The following HPGDS variants were observed in gnomAD, a reference collection of about 807,000 sequenced individuals.
HPGDS encodes GST class-sigma.
HPGDS carries 26 observed loss-of-function variants against 23.1 expected under a neutral mutation model. The ratio of observed to expected loss-of-function variants is 1.13; its 90% CI spans 0.83 to 1.56. The LOEUF (loss-of-function observed/expected upper bound fraction) is 1.56, where lower values mean the gene tolerates loss of function less well. Ranked by LOEUF, HPGDS falls within the 40% of genes most tolerant of loss-of-function variation. HPGDS has a pLI of 0.00. For missense variants in HPGDS, 268 were observed against 236.4 expected (o/e 1.13, Z -0.88); for synonymous variants, 95 against 77.9 (o/e 1.22, Z -1.16).
At chr4:94,328,099 G>A (rs749226995) in intron 2 of HPGDS, among the ~76,000 whole-genome samples, 28 of 152,322 alleles carry the variant, frequency 1.8e-4, no homozygotes, top group African/African-American at 2.6e-4. Context: ...AGGAGTCTGC[G>A]GAGTAAATGT....
At position 94,317,982 on chromosome 4, in the gene HPGDS, C is replaced by A. The variant is rs1579437598; in HGVS notation, c.134-17G>T. The stretch of plus-strand genomic sequence containing the variant: ...ATGGGAGAGCTTAAAATGAAATGAG[C>A]AAATAATTAACTTCATAACAAAACC... On this transcript the variant is annotated splice_polypyrimidine_tract_variant and intron_variant, in intron 2 of 5. Coordinates refer to ENST00000295256, the MANE Select transcript of HPGDS (RefSeq NM_014485.3). 3 of 1,449,226 alleles carry A rather than the reference C, an allele frequency of 2.1e-6. No homozygotes were observed. Among genetic ancestry groups the A allele is most frequent in the Non-Finnish European group, 1.9e-6 (2 of 1,033,482 alleles). 89.8% of individuals were successfully genotyped at this position (1,449,226 alleles called of 1,614,324 possible).
intron 3 of HPGDS, among the ~76,000 whole-genome samples, chr4:94,309,503 C>T (rs907457528): frequency 1.9e-4 from 29 of 152,160 alleles, no homozygotes; most frequent in Admixed American, 6.5e-4. Context: ...TGTATATGTG[C>T]CACATTTTCT....
intron 2 of HPGDS, among the ~76,000 whole-genome samples, chr4:94,324,237 C>T (rs1756581213): frequency 6.6e-6 from 1 of 152,096 alleles, no homozygotes. Flanking sequence ...GATTACATGT[C>T]TTGGAGTTGT....
intron 3 of HPGDS, among the ~76,000 whole-genome samples, chr4:94,309,140 C>G (rs1756206088): frequency 7.9e-6 from 1 of 126,166 alleles, no homozygotes; most frequent in Admixed American, 9.4e-5. Flanking sequence ...TTTAATTATA[C>G]TTTAAGTTCT....
At chr4:94,301,526 G>A (rs543856379) in intron 5 of HPGDS, among the ~76,000 whole-genome samples, 1 of 152,194 alleles carries the variant, frequency 6.6e-6, no homozygotes, top group East Asian at 1.9e-4. Context: ...AAATACATAT[G>A]AGTTTATACT....
At chr4:94,310,197 T>C (rs1370043359) in intron 3 of HPGDS, among the ~76,000 whole-genome samples, 2 of 152,242 alleles carry the variant, frequency 1.3e-5, no homozygotes, top group Non-Finnish European at 2.9e-5. Flanking sequence ...AGACATGAAG[T>C]CCCTGCCCAT....
At chr4:94,334,745 G>T in intron 1 of HPGDS, 107 bp from the exon 2 acceptor site, 1 of 944,006 alleles carries the variant, frequency 1.1e-6, no homozygotes, top group Non-Finnish European at 1.5e-6. Context: ...TGAGATTACT[G>T]GAGACATTAG....
In HPGDS at chr4:94,317,938, A is replaced by G; in HGVS notation, c.161T>C (p.Leu54Ser). The stretch of plus-strand genomic sequence containing the variant: ...GTGAAGAGTAAGTCCATCAACTTCC[A>G]AAATGGGGATTTTTCCAAATGGGAG... ...STLPFGKIPI[L>S]EVDGLTLHQS... The change falls in exon 3 of 6, where the codon TTG (leucine) becomes TCG (serine). Residue 54 changes from leucine (L) to serine (S), a missense_variant. Transcript: ENST00000295256. The G allele has an allele frequency of 6.2e-7, 1 of 1,611,492 alleles. No homozygotes were observed. Among genetic ancestry groups the G allele is most frequent in the Non-Finnish European group, 8.5e-7 (1 of 1,178,614 alleles).
intron 3 of HPGDS, among the ~76,000 whole-genome samples, chr4:94,310,125 T>C (rs944258518): frequency 1.3e-4 from 20 of 152,338 alleles, no homozygotes; most frequent in African/African-American, 4.8e-4. Flanking sequence ...GCAGAAGCTC[T>C]TTAGTTTAAT....
intron 2 of HPGDS, 142 bp downstream of exon 2, chr4:94,334,355 G>T: frequency 1.5e-6 from 1 of 647,076 alleles, no homozygotes; most frequent in Non-Finnish European, 2.4e-6. Flanking sequence ...TGATCACACA[G>T]CATTTATTTA....
chr4:94,335,805 TTAAA>T (rs1327083262), intron 1 of HPGDS, among the ~76,000 whole-genome samples: 1 of 152,214 alleles, frequency 6.6e-6, no homozygotes, highest in Non-Finnish European at 1.5e-5. Flanking sequence ...AGTGGTGAGT[TTAAA>T]TAGTTTATTC....
At chr4:94,313,966 C>T (rs1384644826) in intron 3 of HPGDS, among the ~76,000 whole-genome samples, 33 of 152,282 alleles carry the variant, frequency 2.2e-4, no homozygotes, top group African/African-American at 3.6e-4. Context: ...ATGTAGTTCT[C>T]GTGCCATGGT....
chr4:94,330,749 T>C lies in HPGDS; in HGVS notation c.133+3748A>G, dbSNP rs543166489. Among the ~76,000 whole-genome samples the C allele has an allele frequency of 3.4e-5, 5 of 147,504 alleles. No individual in the cohort carries two copies. In the South Asian group the frequency reaches 8.3e-4, roughly 24 times the overall value. On this transcript the variant is annotated intron_variant, in intron 2 of 5. Coordinates refer to ENST00000295256, the MANE Select transcript of HPGDS (RefSeq NM_014485.3). Reference sequence around the variant, plus strand: ...TGTACTTTTGGGAAAAATATCCTTATTTTTGTCATTTTATTGATGTGTTTG... The same window carrying C: ...TGTACTTTTGGGAAAAATATCCTTACTTTTGTCATTTTATTGATGTGTTTG...
In HPGDS at chr4:94,308,750, A is replaced by G; in HGVS notation, c.227-7T>C. 6.9e-7 allele frequency: 1 copy of G among 1,458,384 alleles called. No individual in the cohort carries two copies. The highest frequency in any genetic ancestry group is 1.4e-5 in the African/African-American group (1 of 71,790). The allele number at this position is 1,458,384 out of a possible 1,614,324, so 90.3% of individuals were successfully genotyped here. ...TCTGTGTTTCCAGCCAAATCTGTGG[A>G]ATAGAGAGAGGCCCATCAATATGTT... On this transcript the variant is annotated splice_polypyrimidine_tract_variant and splice_region_variant and intron_variant, in intron 3 of 5. Coordinates refer to ENST00000295256, the MANE Select transcript of HPGDS (RefSeq NM_014485.3).
At chr4:94,338,459 A>G (rs545505465) in intron 1 of HPGDS, among the ~76,000 whole-genome samples, 1 of 152,286 alleles carries the variant, frequency 6.6e-6, no homozygotes, top group Admixed American at 6.5e-5. Context: ...GAAACATACT[A>G]TCATCTCAAT....
At chr4:94,312,952 T>C (rs1406690275) in intron 3 of HPGDS, among the ~76,000 whole-genome samples, 80 of 146,750 alleles carry the variant, frequency 5.5e-4, no homozygotes, top group Admixed American at 8.1e-4. Flanking sequence ...GAGACTAGGA[T>C]TGCAACCCCT....
chr4:94,319,343 C>T (rs1026575020), intron 2 of HPGDS, among the ~76,000 whole-genome samples: 1 of 152,074 alleles, frequency 6.6e-6, no homozygotes, highest in Non-Finnish European at 1.5e-5. Context: ...CTCCTGCATG[C>T]TTTTGGTTCC....
intron 3 of HPGDS, among the ~76,000 whole-genome samples, chr4:94,316,548 G>A (rs1756402438): frequency 6.7e-6 from 1 of 150,230 alleles, no homozygotes; most frequent in Non-Finnish European, 1.5e-5. Context: ...ACCTACAATT[G>A]CATAAGAAAA....
chr4:94,333,934 A>C (rs1224273265), intron 2 of HPGDS, among the ~76,000 whole-genome samples: 1 of 152,248 alleles, frequency 6.6e-6, no homozygotes, highest in Non-Finnish European at 1.5e-5. Context: ...TGAGAATAAG[A>C]AATAAGATAC....
Sources: allele counts gnomAD v4.1 joint callset (sites outside exome capture counted in the v4.1 genomes callset), GRCh38; gene constraint gnomAD v4.1.1; transcripts MANE v1.5; gene names NCBI Gene and HGNC (gene_info 2026-07-23, HGNC 2026-07-21).